Variants in MAGI2 observed in about 807,000 individuals in gnomAD.
The protein encoded by MAGI2 is membrane-associated guanylate kinase, WW and PDZ domain-containing protein 2.
In MAGI2, 35 loss-of-function variants were observed where a neutral mutation model predicts 133.3. The observed-to-expected ratio is 0.26, with a 90% CI of 0.20 to 0.35. The LOEUF (loss-of-function observed/expected upper bound fraction) is 0.35, where lower values mean the gene tolerates loss of function less well. Ranked by LOEUF, MAGI2 falls within the 10% of genes least tolerant of loss-of-function variation. The pLI, the probability that MAGI2 is intolerant of heterozygous loss-of-function variation, is 1.00. For synonymous variants in MAGI2, 729 were observed against 710.6 expected, an observed-to-expected ratio of 1.03 and a Z score of -0.41; for missense variants, 1,636 against 1,863.4, an observed-to-expected ratio of 0.88 and a Z score of 2.25.
chr7:78,259,454 G>A (rs1053305465), intron 9 of MAGI2, among the ~76,000 whole-genome samples: 2 of 152,052 alleles, frequency 1.3e-5, no homozygotes, highest in Non-Finnish European at 1.5e-5. Flanking sequence ...GGGAAATAAC[G>A]AATGAGATCA....
intron 1 of MAGI2, among the ~76,000 whole-genome samples, chr7:79,282,298 A>T (rs1835707616): frequency 6.6e-6 from 1 of 152,168 alleles, no homozygotes; most frequent in South Asian, 2.1e-4. Flanking sequence ...GAGCTGCGGC[A>T]GGCTTGCTTG....
At chr7:78,091,822 T>C (rs935488407) in intron 20 of MAGI2, among the ~76,000 whole-genome samples, 1 of 152,198 alleles carries the variant, frequency 6.6e-6, no homozygotes, top group Non-Finnish European at 1.5e-5. Context: ...CTATTTGAGA[T>C]TTTATGATGT....
chr7:78,097,280 A>T (rs938478364), intron 20 of MAGI2, among the ~76,000 whole-genome samples: 2 of 152,202 alleles, frequency 1.3e-5, no homozygotes, highest in Admixed American at 1.3e-4. Flanking sequence ...CTAAAAACAG[A>T]ACTACCATTT....
intron 2 of MAGI2, among the ~76,000 whole-genome samples, chr7:78,742,921 T>C (rs2151258164): frequency 1.3e-5 from 2 of 152,262 alleles, no homozygotes. Flanking sequence ...ACCCATGTGG[T>C]CAGACCACAT....
chr7:78,111,750 G>A (rs752303410), intron 20 of MAGI2, among the ~76,000 whole-genome samples: 1 of 152,232 alleles, frequency 6.6e-6, no homozygotes, highest in Admixed American at 6.5e-5. Context: ...AAAGGGAAAA[G>A]AACTCATATT....
chr7:78,247,424 A>T (rs187883247), intron 10 of MAGI2, among the ~76,000 whole-genome samples: 2 of 152,334 alleles, frequency 1.3e-5, no homozygotes, highest in East Asian at 3.9e-4. Context: ...AAGGAACACA[A>T]TAACTCTGTA....
At chr7:79,011,750 T>C (rs774170314) in intron 1 of MAGI2, among the ~76,000 whole-genome samples, 16 of 152,166 alleles carry the variant, frequency 1.1e-4, no homozygotes, top group Non-Finnish European at 2.2e-4. Context: ...TTTATTTTTG[T>C]TTGTTTTTCA....
chr7:78,764,025 T>C (rs1044107219), intron 2 of MAGI2, among the ~76,000 whole-genome samples: 2 of 152,204 alleles, frequency 1.3e-5, no homozygotes, highest in East Asian at 3.8e-4. Context: ...TACTTTAAAA[T>C]GATTCTTACA....
At chr7:79,030,485 A>AG (rs1157920351) in intron 1 of MAGI2, 2 of 152,216 alleles carry the variant, frequency 1.3e-5, no homozygotes, top group African/African-American at 4.8e-5. Flanking sequence ...GACAGACCAC[A>AG]GGGACGTAGT....
At chr7:78,623,513 T>C (rs1439372064) in intron 3 of MAGI2, among the ~76,000 whole-genome samples, 16 of 152,116 alleles carry the variant, frequency 1.1e-4, no homozygotes. Flanking sequence ...TAAAATGTTT[T>C]CAATAAATCT....
chr7:78,832,283 AT>A (rs897278572), intron 2 of MAGI2, among the ~76,000 whole-genome samples: 13 of 151,406 alleles, frequency 8.6e-5, no homozygotes, highest in South Asian at 6.3e-4. Context: ...AATAATACTA[AT>A]TTTTTTTTCA....
intron 6 of MAGI2, among the ~76,000 whole-genome samples, chr7:78,372,087 T>G (rs1793975254): frequency 6.6e-6 from 1 of 152,132 alleles, no homozygotes; most frequent in African/African-American, 2.4e-5. Context: ...TATATGCATG[T>G]GTACCTGTGT....
chr7:78,736,320 C>T (rs752830578), intron 2 of MAGI2, among the ~76,000 whole-genome samples: 12 of 152,120 alleles, frequency 7.9e-5, no homozygotes, highest in East Asian at 7.7e-4. Flanking sequence ...ATATTCTAAA[C>T]GTAAGAATAA....
intron 6 of MAGI2, among the ~76,000 whole-genome samples, chr7:78,383,951 A>G (rs1230196424): frequency 6.6e-6 from 1 of 152,122 alleles, no homozygotes; most frequent in Admixed American, 6.5e-5. Context: ...ATATTGGTCT[A>G]TGTATCCATT....
chr7:79,434,210 T>C (rs1207580280), intron 1 of MAGI2, among the ~76,000 whole-genome samples: 1 of 152,102 alleles, frequency 6.6e-6, no homozygotes, highest in Non-Finnish European at 1.5e-5. Flanking sequence ...TGGAGATCCA[T>C]GGTAATGTCA....
intron 8 of MAGI2, chr7:78,345,627 T>G (rs1790823005): frequency 3.1e-6 from 1 of 318,730 alleles, no homozygotes; most frequent in Admixed American, 4.6e-5. Context: ...AAGGACAAAC[T>G]TATGAGTCTC....
intron 1 of MAGI2, among the ~76,000 whole-genome samples, chr7:79,061,645 G>A (rs1451161243): frequency 6.6e-6 from 1 of 152,056 alleles, no homozygotes; most frequent in Non-Finnish European, 1.5e-5. Flanking sequence ...CCAAGATTAG[G>A]GGTGGCAAAT....
chr7:78,754,258 C>T (rs556552184), intron 2 of MAGI2, among the ~76,000 whole-genome samples: 4 of 151,892 alleles, frequency 2.6e-5, no homozygotes, highest in Non-Finnish European at 5.9e-5. Flanking sequence ...GTGGTCCCAG[C>T]TACTAGGGAG....
Position 78,616,951 on chromosome 7 carries a change from T to G in MAGI2, c.538+10169A>C, listed in dbSNP as rs571234335. On this transcript the variant is annotated intron_variant, in intron 3 of 21. Coordinates refer to ENST00000354212, the MANE Select transcript of MAGI2 (RefSeq NM_012301.4). ...AACAAATTTTCTGACTCTCTGAGTT[T>G]ACTTTCTAGTGAGGTACACTGACAA... The G allele has an allele frequency of 1.7e-4, 26 of 152,332 alleles. No homozygotes were observed. In the East Asian group the frequency reaches 5.0e-3, roughly 29 times the overall value. The allele number at this position is 152,332 out of a possible 1,614,324, so 9.4% of individuals were successfully genotyped here. A position where few individuals can be genotyped will look rare whatever the true frequency, so the allele number is the denominator to read the frequency against.
Sources: allele counts gnomAD v4.1 joint callset (sites outside exome capture counted in the v4.1 genomes callset), GRCh38; gene constraint gnomAD v4.1.1; transcripts MANE v1.5; gene names NCBI Gene and HGNC (gene_info 2026-07-23, HGNC 2026-07-21).